The following TNNI3K variants were observed in gnomAD, a reference collection of about 807,000 sequenced individuals.
TNNI3K encodes TNNI3 interacting kinase, also known as serine/threonine-protein kinase TNNI3K.
In TNNI3K, 140 loss-of-function variants were observed where a neutral mutation model predicts 114.5. That is an observed-to-expected ratio of 1.22 (90% CI 1.07 to 1.41). The LOEUF is 1.41. Among genes scored for constraint, TNNI3K ranks in the 40% most tolerant of loss-of-function variants. TNNI3K has a pLI of 0.00. For synonymous variants in TNNI3K, 347 were observed against 347.5 expected (o/e 1.00, Z 0.02); for missense variants, 1,125 against 1,007.6 (o/e 1.12, Z -1.58).
At chr1:74,303,318 A>G (rs1261107913) in intron 5 of TNNI3K, among the ~76,000 whole-genome samples, 4 of 151,982 alleles carry the variant, frequency 2.6e-5, no homozygotes, top group African/African-American at 9.7e-5. Flanking sequence ...ACCTGCCACC[A>G]TGCCCAGATA....
intron 23 of TNNI3K, among the ~76,000 whole-genome samples, chr1:74,539,951 C>T (rs958605173): frequency 2.0e-5 from 3 of 151,828 alleles, no homozygotes; most frequent in Admixed American, 2.0e-4. Context: ...ATGTTCTTTT[C>T]CTATTTTACA....
intron 21 of TNNI3K, chr1:74,483,387 G>A (rs1476061755): frequency 1.4e-6 from 1 of 716,926 alleles, no homozygotes; most frequent in Non-Finnish European, 2.6e-6. Context: ...TGAAAGGAAA[G>A]TAGAGGGCAA....
intron 23 of TNNI3K, among the ~76,000 whole-genome samples, chr1:74,506,613 T>G (rs922878685): frequency 6.6e-6 from 1 of 152,220 alleles, no homozygotes; most frequent in African/African-American, 2.4e-5. Flanking sequence ...CCAGCAGCTC[T>G]GGCATCACCT....
chr1:74,365,436 A>G (rs1223287831), intron 11 of TNNI3K, among the ~76,000 whole-genome samples: 3 of 152,112 alleles, frequency 2.0e-5, no homozygotes, highest in Middle Eastern at 3.4e-3. Context: ...GACTTTTTCA[A>G]TTGTGATCTA....
intron 5 of TNNI3K, among the ~76,000 whole-genome samples, chr1:74,310,052 A>G (rs1229584142): frequency 1.3e-5 from 2 of 152,210 alleles, no homozygotes; most frequent in East Asian, 1.9e-4. Flanking sequence ...TTTCATATCT[A>G]GAAAACCCTA....
At chr1:74,424,959 T>C (rs1425459750) in intron 17 of TNNI3K, among the ~76,000 whole-genome samples, 1 of 152,106 alleles carries the variant, frequency 6.6e-6, no homozygotes, top group Non-Finnish European at 1.5e-5. Context: ...AGAGAACATA[T>C]ACTAAGTACC....
chr1:74,324,386 A>G (rs1659787224), intron 5 of TNNI3K, among the ~76,000 whole-genome samples: 4 of 152,246 alleles, frequency 2.6e-5, no homozygotes. Context: ...TCAACTGCAA[A>G]CAGTAACATA....
intron 7 of TNNI3K, among the ~76,000 whole-genome samples, chr1:74,340,768 C>T (rs1417890): frequency 1 from 151,860 of 152,266 alleles, 75,730 homozygotes; most frequent in Non-Finnish European, 1. Context: ...TGCCCTGGAC[C>T]CCTAACTGTT....
intron 17 of TNNI3K, among the ~76,000 whole-genome samples, chr1:74,382,430 G>T (rs568967010): frequency 6.6e-6 from 1 of 152,290 alleles, no homozygotes; most frequent in Non-Finnish European, 1.5e-5. Flanking sequence ...ATAAAGCAGG[G>T]TTACCAGAAA....
At chr1:74,293,381 T>C (rs148518797) in intron 5 of TNNI3K, among the ~76,000 whole-genome samples, 46 of 151,880 alleles carry the variant, frequency 3.0e-4, no homozygotes, top group African/African-American at 1.1e-3. Context: ...AGTTTTGACA[T>C]CCAAGCATAT....
intron 7 of TNNI3K, among the ~76,000 whole-genome samples, chr1:74,338,617 G>C (rs1660598744): frequency 6.6e-6 from 1 of 151,956 alleles, no homozygotes; most frequent in South Asian, 2.1e-4. Context: ...GGAACTGCCA[G>C]TTCCTTGGTT....
intron 23 of TNNI3K, among the ~76,000 whole-genome samples, chr1:74,518,361 A>T (rs1439841618): frequency 2.6e-5 from 4 of 152,038 alleles, no homozygotes; most frequent in Non-Finnish European, 5.9e-5. Context: ...CACTCCTTTC[A>T]TTGTTTTTAT....
At chr1:74,472,681 A>G (rs1667997194) in intron 21 of TNNI3K, among the ~76,000 whole-genome samples, 1 of 152,118 alleles carries the variant, frequency 6.6e-6, no homozygotes. Flanking sequence ...TTGCAATACT[A>G]TTGACTCAAT....
intron 21 of TNNI3K, among the ~76,000 whole-genome samples, chr1:74,485,826 C>T (rs754818963): frequency 6.6e-6 from 1 of 152,058 alleles, no homozygotes; most frequent in African/African-American, 2.4e-5. Context: ...CATTTCTGGG[C>T]AACAGATGGC....
At chr1:74,269,813 A>G (rs1346128420) in intron 4 of TNNI3K, among the ~76,000 whole-genome samples, 1 of 151,816 alleles carries the variant, frequency 6.6e-6, no homozygotes, top group African/African-American at 2.4e-5. Flanking sequence ...CATTTATCAG[A>G]TTGTATAATA....
At chr1:74,248,574 A>G (rs918230921) in intron 2 of TNNI3K, among the ~76,000 whole-genome samples, 2 of 152,262 alleles carry the variant, frequency 1.3e-5, no homozygotes, top group Non-Finnish European at 2.9e-5. Flanking sequence ...TTCACTGTGA[A>G]TATACAACTT....
intron 17 of TNNI3K, among the ~76,000 whole-genome samples, chr1:74,399,556 A>G (rs1664258554): frequency 1.3e-5 from 2 of 151,962 alleles, no homozygotes; most frequent in African/African-American, 4.8e-5. Flanking sequence ...AGACAGCCTT[A>G]TGAACAGCTG....
chr1:74,328,199 A>G (rs908046413), intron 5 of TNNI3K, among the ~76,000 whole-genome samples: 3 of 152,130 alleles, frequency 2.0e-5, no homozygotes, highest in East Asian at 1.9e-4. Context: ...ATCCAATTTA[A>G]CAATTATTGG....
At chr1:74,475,854 G>T in intron 21 of TNNI3K, 1 of 532,202 alleles carries the variant, frequency 1.9e-6, no homozygotes, top group Non-Finnish European at 3.4e-6. Context: ...ATCTTGGGAA[G>T]AAACACATAA....
Sources: gnomAD v4.1 joint callset for allele counts (sites outside exome capture counted in the v4.1 genomes callset) on GRCh38, gnomAD v4.1.1 for gene constraint, MANE v1.5 for transcripts, NCBI Gene and HGNC (gene_info 2026-07-23, HGNC 2026-07-21) for gene names.